GLIS3: variants seen among roughly 807,000 people sequenced by gnomAD.
GLIS3 encodes zinc finger protein GLIS3.
A neutral mutation model predicts 78.6 loss-of-function variants in GLIS3; 53 were observed. The ratio of observed to expected loss-of-function variants is 0.67; its 90% confidence interval spans 0.54 to 0.85. The LOEUF (loss-of-function observed/expected upper bound fraction) is 0.85. Ranked by LOEUF, GLIS3 falls within the 40% of genes least tolerant of loss-of-function variation. GLIS3 has a pLI of 0.00. For synonymous variants in GLIS3, 684 were observed against 509.9 expected, an observed-to-expected ratio of 1.34 and a Z score of -4.60; for missense variants, 1,703 against 1,231.1, an observed-to-expected ratio of 1.38 and a Z score of -5.74.
At chr9:4,408,387 C>A in the GLIS3 span, among the ~76,000 whole-genome samples, 1 of 150,374 alleles carries the variant, frequency 6.7e-6, no homozygotes, top group Non-Finnish European at 1.5e-5. Context: ...ACGATGGTTA[C>A]CTGGGGCGGT....
intron 4 of GLIS3, among the ~76,000 whole-genome samples, chr9:4,022,091 T>G (rs1822932967): frequency 6.6e-6 from 1 of 152,078 alleles, no homozygotes; most frequent in African/African-American, 2.4e-5. Context: ...GTCTAAAGAC[T>G]TGCTATGCCT....
chr9:4,326,884 G>GGT (rs1817609137), intron 2 of GLIS3, among the ~76,000 whole-genome samples: 2 of 152,170 alleles, frequency 1.3e-5, no homozygotes, highest in Admixed American at 6.5e-5. Flanking sequence ...GTGGGTGCAT[G>GGT]TCCTCTCATG....
At chr9:4,411,957 T>A in the GLIS3 span, among the ~76,000 whole-genome samples, 1 of 152,262 alleles carries the variant, frequency 6.6e-6, no homozygotes, top group Non-Finnish European at 1.5e-5. Context: ...TCTGGCCTAA[T>A]ACTAAATGAG....
chr9:3,906,370 T>C (rs1182770832), intron 6 of GLIS3, among the ~76,000 whole-genome samples: 1 of 152,178 alleles, frequency 6.6e-6, no homozygotes, highest in Admixed American at 6.5e-5. Context: ...TGAGAAGTGG[T>C]CCAGCTGAAT....
intron 2 of GLIS3, among the ~76,000 whole-genome samples, chr9:4,208,584 G>C (rs75542443): frequency 1.3e-5 from 2 of 152,186 alleles, no homozygotes; most frequent in African/African-American, 2.4e-5. Flanking sequence ...TGGGAGAGGG[G>C]ATTTTACAAT....
chr9:4,431,912 CA>C, the GLIS3 span, among the ~76,000 whole-genome samples: 1 of 150,816 alleles, frequency 6.6e-6, no homozygotes, highest in Non-Finnish European at 1.5e-5. Flanking sequence ...GTCTCTGTCA[CA>C]ACTATTTAAC....
chr9:3,894,020 A>C (rs544329310), intron 7 of GLIS3, among the ~76,000 whole-genome samples: 46 of 152,306 alleles, frequency 3.0e-4, no homozygotes, highest in African/African-American at 1.1e-3. Flanking sequence ...GAGAGGTTAC[A>C]AAAACTGCAA....
At chr9:3,835,420 A>G (rs1317394769) in intron 9 of GLIS3, among the ~76,000 whole-genome samples, 1 of 152,188 alleles carries the variant, frequency 6.6e-6, no homozygotes, top group African/African-American at 2.4e-5. Context: ...GACTCCTTGG[A>G]AATAATGCTG....
the GLIS3 span, among the ~76,000 whole-genome samples, chr9:4,447,567 T>A: frequency 6.6e-6 from 1 of 152,304 alleles, no homozygotes; most frequent in Admixed American, 6.5e-5. Context: ...GAATCTCAGT[T>A]AATGTTAAAT....
intron 2 of GLIS3, among the ~76,000 whole-genome samples, chr9:4,128,309 T>A (rs1832724701): frequency 6.6e-6 from 1 of 152,208 alleles, no homozygotes; most frequent in Non-Finnish European, 1.5e-5. Flanking sequence ...CCATCACACA[T>A]GTGCCTCAGC....
intron 4 of GLIS3, among the ~76,000 whole-genome samples, chr9:4,068,121 A>G (rs10814827): frequency 0.23 from 35,652 of 152,114 alleles, 4,971 homozygotes; most frequent in Middle Eastern, 0.39. Flanking sequence ...AAGGGCTGGT[A>G]GTAAGCATGA....
chr9:4,373,342 T>A, the GLIS3 span, among the ~76,000 whole-genome samples: 18 of 152,218 alleles, frequency 1.2e-4, no homozygotes, highest in East Asian at 3.5e-3. Flanking sequence ...CTGGGGGAAA[T>A]TGGGAAATCT....
chr9:4,443,069 T>C, the GLIS3 span, among the ~76,000 whole-genome samples: 1 of 152,164 alleles, frequency 6.6e-6, no homozygotes. Flanking sequence ...CATTGATTGG[T>C]AGCAATTTCC....
the GLIS3 span, among the ~76,000 whole-genome samples, chr9:4,427,558 C>G: frequency 1.3e-5 from 2 of 152,116 alleles, no homozygotes; most frequent in Non-Finnish European, 2.9e-5. Context: ...TGCATACTTA[C>G]GTCAAATGGC....
chr9:4,361,096 C>T, the GLIS3 span, among the ~76,000 whole-genome samples: 11 of 152,308 alleles, frequency 7.2e-5, no homozygotes, highest in Admixed American at 1.3e-4. Context: ...CTGTGGAACA[C>T]CTTTGGTCCC....
chr9:4,072,963 T>C (rs1021928630), intron 4 of GLIS3, among the ~76,000 whole-genome samples: 13 of 152,078 alleles, frequency 8.5e-5, no homozygotes, highest in African/African-American at 3.1e-4. Flanking sequence ...GCTTTAACTA[T>C]ACAGCATGAT....
intron 2 of GLIS3, among the ~76,000 whole-genome samples, chr9:4,133,900 G>T (rs1296677301): frequency 6.7e-6 from 1 of 148,510 alleles, no homozygotes; most frequent in East Asian, 2.0e-4. Context: ...CGCCTGAACG[G>T]GATCCAGGTT....
chr9:3,987,758 T>A (rs1588395157), intron 4 of GLIS3, among the ~76,000 whole-genome samples: 1 of 69,904 alleles, frequency 1.4e-5, no homozygotes, highest in Non-Finnish European at 2.7e-5. Context: ...TCCCTGGATT[T>A]GGCAAAAAAA....
intron 6 of GLIS3, among the ~76,000 whole-genome samples, chr9:3,910,276 C>G (rs1449679234): frequency 6.6e-6 from 1 of 152,192 alleles, no homozygotes; most frequent in Non-Finnish European, 1.5e-5. Context: ...ATGGAAGGGG[C>G]ATGGTTTAGC....
Sources: gnomAD v4.1 joint callset for allele counts (sites outside exome capture counted in the v4.1 genomes callset) on GRCh38, gnomAD v4.1.1 for gene constraint, MANE v1.5 for transcripts, NCBI Gene and HGNC (gene_info 2026-07-23, HGNC 2026-07-21) for gene names.